The following THOC2 variants were observed in gnomAD, a reference collection of about 807,000 sequenced individuals.
THOC2 encodes the protein THO complex 2.
THOC2 carries 10 observed loss-of-function variants against 128.4 expected under a neutral mutation model. The ratio of observed to expected loss-of-function variants is 0.08; its 90% CI spans 0.05 to 0.13. The LOEUF (loss-of-function observed/expected upper bound fraction) is 0.13. THOC2 is among the 10% of genes least tolerant of loss of function. The pLI, the probability that THOC2 is intolerant of heterozygous loss-of-function variation, is 1.00. For missense variants in THOC2, 535 were observed against 1,155.7 expected, an observed-to-expected ratio of 0.46 and a Z score of 7.79; for synonymous variants, 393 against 396.9, an observed-to-expected ratio of 0.99 and a Z score of 0.12.
intron 7 of THOC2, among the ~76,000 whole-genome samples, chrX:123,691,967 C>T (rs1446714314): frequency 8.9e-6 from 1 of 111,915 alleles, no homozygotes; most frequent in African/African-American, 3.3e-5. Flanking sequence ...TTTTACACTA[C>T]AATGGCAGAA....
rs1403028980 is a variant in THOC2, at chrX:123,611,520, T to C, written c.4678-4A>G. 3 of 1,117,648 alleles carry C rather than the reference T, an allele frequency of 2.7e-6. No homozygotes were observed. Among genetic ancestry groups the C allele is most frequent in the Admixed American group, 4.4e-5 (2 of 45,098 alleles). 92.1% of individuals were successfully genotyped at this position (1,117,648 alleles called of 1,213,427 possible). A position where few individuals can be genotyped will look rare whatever the true frequency, so the allele number is the denominator to read the frequency against. On this transcript the variant is annotated splice_polypyrimidine_tract_variant and splice_region_variant and intron_variant, in intron 36 of 38. Transcript: ENST00000245838. ...TTTCTTTATCATGCCTGGACTCCTA[T>C]AAGAAATAGTAGAATTAGCTGGGGA...
intron 4 of THOC2, 49 bp downstream of exon 4, chrX:123,703,405 T>C (rs369088175): frequency 1.3e-6 from 1 of 794,513 alleles, no homozygotes; most frequent in Non-Finnish European, 1.8e-6. Flanking sequence ...AACAAACATT[T>C]GATTTACCAC....
rs914175862 is a variant in THOC2, at chrX:123,709,923, T to TG, written c.130+2926dup. 3.2e-4 allele frequency among the ~76,000 whole-genome samples: 35 copies of TG among 109,116 alleles called. No individual in the cohort carries two copies. In the East Asian group the frequency reaches 7.2e-3, roughly 22 times the overall value. The allele number at this position is 109,116 out of a possible 115,157, so 94.8% of individuals were successfully genotyped here. ...GTTGTTTCATTGGCAGTGGCTGGGG[T>TG]GGGGGGGAAGGTGATTTATAAAAGA... On this transcript the variant is annotated intron_variant, in intron 2 of 38. Coordinates refer to ENST00000245838, the MANE Select transcript of THOC2 (RefSeq NM_001081550.2).
At chrX:123,633,792 G>T (rs1039235294) in intron 20 of THOC2, among the ~76,000 whole-genome samples, 161 bp downstream of exon 20, 1 of 111,974 alleles carries the variant, frequency 8.9e-6, no homozygotes, top group African/African-American at 3.2e-5. Flanking sequence ...AGTAATTACT[G>T]TATCTCAATT....
chrX:123,618,770 A>T (rs2046982895), intron 33 of THOC2, among the ~76,000 whole-genome samples: 2 of 111,972 alleles, frequency 1.8e-5, no homozygotes, highest in African/African-American at 3.2e-5. Context: ...TACTTTTAGT[A>T]GCAGAATACT....
intron 12 of THOC2, among the ~76,000 whole-genome samples, chrX:123,661,597 C>T (rs5956565): frequency 0.36 from 39,159 of 109,085 alleles, 5,387 homozygotes; most frequent in East Asian, 0.67. Flanking sequence ...GTAGGGTGAC[C>T]ACAGTTAACA....
intron 1 of THOC2, 137 bp from the exon 2 acceptor site, chrX:123,713,045 C>T (rs1321392339): frequency 7.4e-6 from 3 of 406,520 alleles, no homozygotes; most frequent in Non-Finnish European, 1.3e-5. Context: ...CAAACTGTAC[C>T]ACTGGTAACT....
rs2047169127 is a variant in THOC2 at position 123,623,828 on chromosome X, T to C, written c.3462A>G (p.Glu1154=). 1.7e-6 allele frequency: 2 copies of C among 1,210,605 alleles called. No individual in the cohort carries two copies. The highest frequency in any genetic ancestry group is 3.5e-5 in the African/African-American group (2 of 57,806). ...LERRVHKICQ[E]EKEKRPDLYA... is the part of the protein sequence containing the mutation. ...ATAGATCTGGCCTCTTCTCTTTTTC[T>C]TCTTGGCAGATTTTGTGTACTCTTC... The change falls in exon 28 of 39, where the codon GAA becomes GAG. Residue 1154 remains glutamate, a synonymous_variant. Coordinates refer to ENST00000245838, the MANE Select transcript of THOC2 (RefSeq NM_001081550.2).
At chrX:123,650,569 C>T (rs1343736054) in intron 12 of THOC2, among the ~76,000 whole-genome samples, 1 of 111,521 alleles carries the variant, frequency 9.0e-6, no homozygotes, top group Non-Finnish European at 1.9e-5. Flanking sequence ...ACCCATCTCA[C>T]GTGCAAAGAC....
intron 38 of THOC2, chrX:123,603,165 T>C (rs1273719355): frequency 8.7e-6 from 1 of 114,370 alleles, no homozygotes; most frequent in African/African-American, 3.3e-5. Context: ...TTCTCAATCA[T>C]AAAGGTGCCA....
intron 4 of THOC2, among the ~76,000 whole-genome samples, chrX:123,701,135 T>C (rs2050685815): frequency 9.0e-6 from 1 of 111,118 alleles, no homozygotes; most frequent in Non-Finnish European, 1.9e-5. Flanking sequence ...GACAGATCAC[T>C]TGAGGTCAGG....
At position 123,636,088 on chromosome X, in the gene THOC2, G is replaced by T; in HGVS notation, c.2009C>A (p.Ala670Glu). 1 of 1,203,580 alleles carries T rather than the reference G, an allele frequency of 8.3e-7. No individual in the cohort carries two copies. Among genetic ancestry groups the T allele is most frequent in the Non-Finnish European group, 1.1e-6 (1 of 890,699 alleles). Residue 670 changes from alanine (A) to glutamate (E), a missense_variant, in exon 19 of 39, where the codon GCG becomes GAG. Physicochemically the swap from Ala to Glu is moderately radical, Grantham distance 107. This residue lies in a region of THOC2 where 90 missense variants were observed against 298.6 expected (regional missense o/e 0.30). Coordinates refer to ENST00000245838, the MANE Select transcript of THOC2 (RefSeq NM_001081550.2). Reference protein sequence around the residue: ...LLQYVANQLKAGKSFDLLILK... With the variant: ...LLQYVANQLKEGKSFDLLILK... ...AATTTGCTATGAATACCTTTTGCCC[G>T]CCTTTAGCTGATTGGCAACATACTG...
At chrX:123,678,106 T>C (rs1444482754) in intron 8 of THOC2, among the ~76,000 whole-genome samples, 1 of 110,167 alleles carries the variant, frequency 9.1e-6, no homozygotes, top group African/African-American at 3.3e-5. Context: ...CTGAGGCTCT[T>C]CTTGAGGAGG....
chrX:123,603,370 G>A (rs190433837), intron 38 of THOC2: 117 of 289,808 alleles, frequency 4.0e-4, no homozygotes, highest in East Asian at 1.3e-3. Flanking sequence ...ACACAAAGAC[G>A]GCCTATCTAC....
intron 12 of THOC2, among the ~76,000 whole-genome samples, chrX:123,657,127 A>G (rs2147766326): frequency 1.8e-5 from 2 of 112,184 alleles, no homozygotes; most frequent in South Asian, 7.5e-4. Context: ...TTGATGGCTT[A>G]TTGGGAGATA....
intron 28 of THOC2, 180 bp from the exon 29 acceptor site, chrX:123,623,463 T>C: frequency 3.3e-6 from 2 of 598,196 alleles, no homozygotes; most frequent in African/African-American, 4.8e-5. Context: ...TCTTAAAAAT[T>C]ACAATTTCAC....
intron 1 of THOC2, among the ~76,000 whole-genome samples, chrX:123,720,174 T>C: frequency 9.1e-6 from 1 of 109,541 alleles, no homozygotes; most frequent in East Asian, 2.9e-4. Flanking sequence ...AGGCCAGGCA[T>C]GTGGCTCACA....
At chrX:123,712,052 T>C (rs2051217140) in intron 2 of THOC2, among the ~76,000 whole-genome samples, 1 of 109,408 alleles carries the variant, frequency 9.1e-6, no homozygotes, top group African/African-American at 3.3e-5. Flanking sequence ...TGTAAAATTG[T>C]TCTTAATCTT....
At chrX:123,700,736 G>A (rs1042315525) in intron 4 of THOC2, among the ~76,000 whole-genome samples, 7 of 111,814 alleles carry the variant, frequency 6.3e-5, no homozygotes, top group African/African-American at 1.3e-4. Flanking sequence ...TCACAGCTTC[G>A]CTGAACCTCA....
Sources: allele counts gnomAD v4.1 joint callset (sites outside exome capture counted in the v4.1 genomes callset), GRCh38; gene constraint gnomAD v4.1.1; regional missense constraint gnomAD v4.1.1; transcripts MANE v1.5; gene names NCBI Gene and HGNC (gene_info 2026-07-23, HGNC 2026-07-21).